BLTP1: variants seen among roughly 807,000 people sequenced by gnomAD.
BLTP1 encodes the protein bridge-like lipid transfer protein family member 1, also known as fragile site-associated protein.
chr4:122,219,581 C>T, the BLTP1 span: 3 of 1,588,436 alleles, frequency 1.9e-6, no homozygotes, highest in East Asian at 2.2e-5. Flanking sequence ...AGTGTTTACA[C>T]ATGAAAGTAG....
chr4:122,358,071 T>C, the BLTP1 span, among the ~76,000 whole-genome samples: 1 of 152,200 alleles, frequency 6.6e-6, no homozygotes, highest in East Asian at 1.9e-4. Context: ...GGCAATCTTG[T>C]ATATTATATA....
At chr4:122,336,541 G>T in the BLTP1 span, 1 of 598,224 alleles carries the variant, frequency 1.7e-6, no homozygotes, top group Non-Finnish European at 2.1e-6. Flanking sequence ...CTAAGTCCTG[G>T]TGAGGTTACA....
chr4:122,202,073 A>T, the BLTP1 span: 1 of 159,044 alleles, frequency 6.3e-6, no homozygotes. Context: ...ACCTTTTAAA[A>T]TGCCTCTTAT....
chr4:122,328,522 A>G, the BLTP1 span: 1 of 505,954 alleles, frequency 2.0e-6, no homozygotes, highest in African/African-American at 2.1e-5. Context: ...AAAATTTATC[A>G]CATGGTTTAT....
At chr4:122,251,560 A>ACC in the BLTP1 span, 1 of 984,196 alleles carries the variant, frequency 1.0e-6, no homozygotes, top group Non-Finnish European at 1.2e-6. Context: ...ATTTAAAAAT[A>ACC]CAATAGCTAC....
the BLTP1 span, chr4:122,183,150 A>G: frequency 2.2e-6 from 1 of 464,690 alleles, no homozygotes; most frequent in South Asian, 9.2e-5. Context: ...AACCTGGATA[A>G]CATAGTGAAA....
At chr4:122,263,110 A>C in the BLTP1 span, 1 of 1,386,226 alleles carries the variant, frequency 7.2e-7, no homozygotes. Context: ...ATCTTTGAGA[A>C]AAAATTTTAG....
At chr4:122,253,282 C>A in the BLTP1 span, among the ~76,000 whole-genome samples, 24 of 152,034 alleles carry the variant, frequency 1.6e-4, no homozygotes, top group African/African-American at 5.6e-4. Flanking sequence ...AAACAGCCAG[C>A]AAACTACGAC....
chr4:122,352,709 C>T, the BLTP1 span: 1 of 195,010 alleles, frequency 5.1e-6, no homozygotes, highest in Non-Finnish European at 9.3e-6. Flanking sequence ...CTTTCCTTAG[C>T]TATATCCATC....
the BLTP1 span, chr4:122,187,417 T>C: frequency 6.2e-7 from 1 of 1,610,540 alleles, no homozygotes; most frequent in East Asian, 2.2e-5. Context: ...GTCAGTTTTA[T>C]TTTTTCTTGT....
the BLTP1 span, chr4:122,161,195 T>A: frequency 1.2e-6 from 1 of 859,664 alleles, no homozygotes; most frequent in Non-Finnish European, 1.4e-6. Context: ...GGTGTGAAGA[T>A]TTGTGGATGG....
chr4:122,264,181 C>A, the BLTP1 span: 3 of 1,445,056 alleles, frequency 2.1e-6, no homozygotes, highest in Non-Finnish European at 2.7e-6. Context: ...AAAGTTTACC[C>A]TGCTGTACAC....
chr4:122,331,082 T>C, the BLTP1 span: 1 of 962,678 alleles, frequency 1.0e-6, no homozygotes, highest in Non-Finnish European at 1.2e-6. Flanking sequence ...TATACTGATA[T>C]TCAGACTCCT....
the BLTP1 span, among the ~76,000 whole-genome samples, chr4:122,335,350 A>G: frequency 1.3e-5 from 2 of 152,126 alleles, no homozygotes; most frequent in Non-Finnish European, 2.9e-5. Flanking sequence ...ACACAAGGGC[A>G]TGAATACCAG....
the BLTP1 span, chr4:122,289,467 T>A: frequency 1.0e-6 from 1 of 979,898 alleles, no homozygotes; most frequent in Non-Finnish European, 1.2e-6. Context: ...GTATGTCTAT[T>A]AACCAAATTA....
At chr4:122,355,529 C>A in the BLTP1 span, among the ~76,000 whole-genome samples, 4 of 148,740 alleles carry the variant, frequency 2.7e-5, no homozygotes, top group African/African-American at 9.8e-5. Context: ...CAACAGTGAG[C>A]TACTGATATA....
chr4:122,239,963 C>G, the BLTP1 span: 1 of 1,613,996 alleles, frequency 6.2e-7, no homozygotes, highest in African/African-American at 1.3e-5. Context: ...AGCAGATTGA[C>G]TACAGTAGGG....
At chr4:122,353,083 T>C in the BLTP1 span, 1 of 1,613,874 alleles carries the variant, frequency 6.2e-7, no homozygotes, top group African/African-American at 1.3e-5. This position sits in a 1 kb window ranked among gnomAD's most constrained non-coding sequence, Gnocchi z 4.3. Flanking sequence ...TCGTTCAAAA[T>C]CTTGGGCCCT....
the BLTP1 span, among the ~76,000 whole-genome samples, chr4:122,266,556 TTTA>T: frequency 6.6e-6 from 1 of 152,148 alleles, no homozygotes; most frequent in Non-Finnish European, 1.5e-5. Flanking sequence ...TGTGTCCTTA[TTTA>T]TTATTATTAA....
Sources: allele counts gnomAD v4.1 joint callset (sites outside exome capture counted in the v4.1 genomes callset), GRCh38; gene constraint gnomAD v4.1.1; non-coding constraint Gnocchi (gnomAD v3.1); transcripts MANE v1.5; gene names NCBI Gene and HGNC (gene_info 2026-07-23, HGNC 2026-07-21).